Variants in EDAR observed in about 807,000 individuals in gnomAD.
EDAR encodes tumor necrosis factor receptor superfamily member EDAR.
A neutral mutation model predicts 51.3 loss-of-function variants in EDAR; 38 were observed. The observed-to-expected ratio is 0.74, with a 90% CI of 0.57 to 0.97. The LOEUF is 0.97. Ranked by LOEUF, EDAR falls within the 50% of genes least tolerant of loss-of-function variation. The pLI, the probability that EDAR is intolerant of heterozygous loss-of-function variation, is 0.00. For synonymous variants in EDAR, 227 were observed against 242.1 expected (o/e 0.94, Z 0.58); for missense variants, 528 against 595.0 (o/e 0.89, Z 1.17).
At chr2:108,969,073 A>G (rs1222950866) in intron 1 of EDAR, among the ~76,000 whole-genome samples, 2 of 152,174 alleles carry the variant, frequency 1.3e-5, no homozygotes, top group African/African-American at 4.8e-5. Flanking sequence ...TCCCTGATGC[A>G]CAGTCAGTTT....
intron 1 of EDAR, among the ~76,000 whole-genome samples, chr2:108,981,390 T>C (rs1698417973): frequency 6.6e-6 from 1 of 152,154 alleles, no homozygotes; most frequent in South Asian, 2.1e-4. Flanking sequence ...GAGGTTGAAG[T>C]TGTCTGGCGC....
At chr2:108,913,239 G>T (rs540996166) in intron 5 of EDAR, among the ~76,000 whole-genome samples, 1 of 151,910 alleles carries the variant, frequency 6.6e-6, no homozygotes, top group African/African-American at 2.4e-5. Flanking sequence ...ATGAGCCACC[G>T]CGCCCGGCTG....
intron 9 of EDAR, 101 bp downstream of exon 9, chr2:108,910,359 C>T (rs1696895699): frequency 2.1e-6 from 2 of 960,156 alleles, no homozygotes; most frequent in Admixed American, 3.9e-5. Context: ...CATAGTGTCC[C>T]AGGCTAGCCT....
chr2:108,950,171 G>A (rs950865268), intron 1 of EDAR, among the ~76,000 whole-genome samples: 1 of 152,086 alleles, frequency 6.6e-6, no homozygotes, highest in Non-Finnish European at 1.5e-5. Context: ...CATCTAAGAT[G>A]TCATGTCTTT....
chr2:108,921,040 CG>C (rs1697127533), intron 5 of EDAR, among the ~76,000 whole-genome samples: 1 of 152,164 alleles, frequency 6.6e-6, no homozygotes, highest in Non-Finnish European at 1.5e-5. Flanking sequence ...CCTGATGAAT[CG>C]GGGGTGGGCC....
At chr2:108,912,381 GTC>G in intron 6 of EDAR, among the ~76,000 whole-genome samples, 1 of 152,292 alleles carries the variant, frequency 6.6e-6, no homozygotes, top group South Asian at 2.1e-4. Context: ...AGGACGCCTG[GTC>G]TCTCCTCCTG....
intron 1 of EDAR, among the ~76,000 whole-genome samples, chr2:108,973,686 T>C (rs933001945): frequency 6.6e-6 from 1 of 152,138 alleles, no homozygotes; most frequent in Non-Finnish European, 1.5e-5. Flanking sequence ...CCACACATGG[T>C]GACCGCTGCC....
At chr2:108,911,220 A>G (rs1696924257) in intron 6 of EDAR, 148 bp from the exon 7 acceptor site, 1 of 997,720 alleles carries the variant, frequency 1.0e-6, no homozygotes, top group African/African-American at 1.6e-5. Flanking sequence ...TAGACTGAGA[A>G]CCAAATCCTC....
At chr2:108,909,823 C>T (rs1258419968) in intron 9 of EDAR, among the ~76,000 whole-genome samples, 2 of 152,250 alleles carry the variant, frequency 1.3e-5, no homozygotes, top group Admixed American at 6.5e-5. Context: ...ATCTCCTCCT[C>T]CAGAGGCCTC....
At chr2:108,984,653 T>C (rs1213683405) in intron 1 of EDAR, among the ~76,000 whole-genome samples, 2 of 152,120 alleles carry the variant, frequency 1.3e-5, no homozygotes, top group Non-Finnish European at 2.9e-5. Flanking sequence ...ACTACTACCC[T>C]GGGCACCTTC....
rs147608650 is a variant in EDAR, at chr2:108,954,825, G to A, written c.-18-23793C>T. On this transcript the variant is annotated intron_variant, in intron 1 of 11. Coordinates refer to ENST00000258443, the MANE Select transcript of EDAR (RefSeq NM_022336.4). Reference sequence around the variant, plus strand: ...TGAGTAGCTAGTATTACAGGCGCCCGCCACCATGGCCGGCTAATTTTTGTA... The same window carrying A: ...TGAGTAGCTAGTATTACAGGCGCCCACCACCATGGCCGGCTAATTTTTGTA... 1.2e-3 allele frequency among the ~76,000 whole-genome samples: 184 copies of A among 152,112 alleles called. No individual in the cohort carries two copies. The Middle Eastern group carries it at 0.027, about 23-fold the overall frequency.
Position 108,910,761 on chromosome 2 carries a change from C to A in EDAR, c.730+15G>T. 6.2e-7 allele frequency: 1 copy of A among 1,612,442 alleles called. No individual in the cohort carries two copies. Among genetic ancestry groups the A allele is most frequent in the Non-Finnish European group, 8.5e-7 (1 of 1,179,938 alleles). On this transcript the variant is annotated intron_variant, in intron 8 of 11. Transcript: ENST00000258443. Reference sequence around the variant, plus strand: ...GCACCGTGCACATGGTGTGTGGAAGCCCTGGTTCACAGACCTGGGGCCTCT... The same window carrying A: ...GCACCGTGCACATGGTGTGTGGAAGACCTGGTTCACAGACCTGGGGCCTCT...
chr2:108,910,715 A>T (rs1011885862), intron 8 of EDAR, 61 bp downstream of exon 8: 2 of 1,580,688 alleles, frequency 1.3e-6, no homozygotes, highest in African/African-American at 2.7e-5. Flanking sequence ...GCTTCTGGGA[A>T]CGCCCTCCAC....
At chr2:108,897,323 GA>G (rs752355541) in intron 11 of EDAR, 94 bp from the exon 12 acceptor site, 61 of 1,274,634 alleles carry the variant, frequency 4.8e-5, no homozygotes, top group East Asian at 1.5e-4. Context: ...AAAATTATTT[GA>G]AAAAAATTTT....
chr2:108,910,847 C>A lies in EDAR; in HGVS notation c.659G>T (p.Cys220Phe), dbSNP rs1370690153. 6.2e-7 allele frequency: 1 copy of A among 1,614,100 alleles called. No homozygotes were observed. The highest frequency in any genetic ancestry group is 8.5e-7 in the Non-Finnish European group (1 of 1,180,004). ...GCTCTTCCCCGGGTGGCTGGTGCAA[C>A]AGGCTGGGGAGAGAGGAGGGAGTGA... ...ILKTKPSAPA[C>F]CTSHPGKSVE... Residue 220 changes from cysteine to phenylalanine, a missense_variant, in exon 8 of 12, where the codon TGT (cysteine) becomes TTT (phenylalanine). Coordinates refer to ENST00000258443, the MANE Select transcript of EDAR (RefSeq NM_022336.4).
chr2:108,933,161 T>C (rs1697403744), intron 1 of EDAR, among the ~76,000 whole-genome samples: 1 of 152,160 alleles, frequency 6.6e-6, no homozygotes, highest in Non-Finnish European at 1.5e-5. Context: ...TGCCTCCGGG[T>C]GTATTTGTAA....
chr2:108,978,384 G>A (rs2104464347), intron 1 of EDAR, among the ~76,000 whole-genome samples: 2 of 152,224 alleles, frequency 1.3e-5, no homozygotes, highest in East Asian at 3.9e-4. Flanking sequence ...AAAAAGCTCA[G>A]TAAAAAAACA....
intron 6 of EDAR, among the ~76,000 whole-genome samples, chr2:108,911,489 C>T (rs897202859): frequency 6.6e-6 from 1 of 152,184 alleles, no homozygotes; most frequent in Non-Finnish European, 1.5e-5. Flanking sequence ...CTCTGGATTC[C>T]AGGTTTGGCT....
chr2:108,925,041 T>TTCTCACTCTACCTCCACGCATTCTCTCTC (rs1697227098), intron 4 of EDAR, among the ~76,000 whole-genome samples: 1 of 152,192 alleles, frequency 6.6e-6, no homozygotes, highest in African/African-American at 2.4e-5. Flanking sequence ...CCTCCACCTT[T>TTCTCACTCTACCTCCACGCATTCTCTCTC]TCTCACTCTA....
Sources: gnomAD v4.1 joint callset for allele counts (sites outside exome capture counted in the v4.1 genomes callset) on GRCh38, gnomAD v4.1.1 for gene constraint, MANE v1.5 for transcripts, NCBI Gene and HGNC (gene_info 2026-07-23, HGNC 2026-07-21) for gene names.